ZBBX: variants seen among roughly 807,000 people sequenced by gnomAD.
ZBBX encodes zinc finger B-box domain containing, also known as zinc finger B-box domain-containing protein 1.
A neutral mutation model predicts 108.5 loss-of-function variants in ZBBX; 101 were observed. The observed-to-expected ratio is 0.93, with a 90% CI of 0.79 to 1.10. The LOEUF (loss-of-function observed/expected upper bound fraction) is 1.10. Ranked by LOEUF, ZBBX falls within the 50% of genes least tolerant of loss-of-function variation. The probability of loss-of-function intolerance (pLI) is 0.00; values close to 1 mark genes in which losing one functional copy is unlikely to be tolerated. For missense variants in ZBBX, 1,009 were observed against 941.4 expected, an observed-to-expected ratio of 1.07 and a Z score of -0.94; for synonymous variants, 356 against 323.4, an observed-to-expected ratio of 1.10 and a Z score of -1.08.
intron 11 of ZBBX, 128 bp downstream of exon 11, chr3:167,327,814 T>C: frequency 1.1e-6 from 1 of 926,918 alleles, no homozygotes; most frequent in Non-Finnish European, 1.5e-6. Flanking sequence ...CTCAGAAGGC[T>C]GAGGCAGGAG....
the ZBBX span, among the ~76,000 whole-genome samples, chr3:167,205,109 G>C: frequency 6.6e-6 from 1 of 152,124 alleles, no homozygotes; most frequent in Non-Finnish European, 1.5e-5. Flanking sequence ...CAGGGCAGGA[G>C]AAAGATCTAA....
intron 1 of ZBBX, among the ~76,000 whole-genome samples, chr3:167,400,185 T>C (rs1265248971): frequency 6.6e-6 from 1 of 152,178 alleles, no homozygotes; most frequent in Admixed American, 6.5e-5. Flanking sequence ...TGTGTCTTTT[T>C]GGTAAAATGA....
At chr3:167,350,684 G>A (rs1385815818) in intron 8 of ZBBX, among the ~76,000 whole-genome samples, 169 bp from the exon 9 acceptor site, 2 of 150,940 alleles carry the variant, frequency 1.3e-5, no homozygotes, top group Non-Finnish European at 3.0e-5. Context: ...CCCTTAACTG[G>A]GACTAGTTGT....
the ZBBX span, among the ~76,000 whole-genome samples, chr3:167,195,346 G>A: frequency 6.6e-6 from 1 of 152,134 alleles, no homozygotes; most frequent in East Asian, 1.9e-4. Flanking sequence ...AGAAATTAGT[G>A]TAACTTTTGA....
chr3:167,384,803 G>T (rs906702985), upstream of ZBBX, among the ~76,000 whole-genome samples: 8 of 151,986 alleles, frequency 5.3e-5, no homozygotes, highest in Non-Finnish European at 1.0e-4. Context: ...ATTTATTCCT[G>T]TAATCATCTA....
chr3:167,223,750 G>A, the ZBBX span, among the ~76,000 whole-genome samples: 1 of 151,720 alleles, frequency 6.6e-6, no homozygotes, highest in Non-Finnish European at 1.5e-5. Context: ...TCTGGTCCAG[G>A]TTCAAATATT....
intron 18 of ZBBX, among the ~76,000 whole-genome samples, chr3:167,296,632 C>A (rs7610362): frequency 0.82 from 124,489 of 151,940 alleles, 51,386 homozygotes; most frequent in African/African-American, 0.93. Context: ...TCACAACAGC[C>A]TAAAAAAGAA....
At chr3:167,263,125 C>T (rs1006100528) in intron 20 of ZBBX, among the ~76,000 whole-genome samples, 9 of 150,290 alleles carry the variant, frequency 6.0e-5, no homozygotes, top group African/African-American at 2.2e-4. Flanking sequence ...GCAACCTTCA[C>T]CTCCTGGCTC....
chr3:167,368,846 G>T, intron 4 of ZBBX: 2 of 477,042 alleles, frequency 4.2e-6, no homozygotes, highest in Non-Finnish European at 5.8e-6. Flanking sequence ...TATAAGGCAT[G>T]TTTTTATATA....
At chr3:167,253,094 C>T (rs1156325192) in intron 20 of ZBBX, among the ~76,000 whole-genome samples, 1 of 151,782 alleles carries the variant, frequency 6.6e-6, no homozygotes, top group African/African-American at 2.4e-5. Flanking sequence ...TCCTCTAACC[C>T]CTATTAAATA....
intron 12 of ZBBX, among the ~76,000 whole-genome samples, chr3:167,318,583 C>T (rs553716206): frequency 4.0e-5 from 6 of 151,866 alleles, no homozygotes; most frequent in Admixed American, 2.0e-4. Context: ...CTTTCAAAGG[C>T]ATTAAAATTT....
At chr3:167,250,515 T>C (rs534955528) in intron 20 of ZBBX, among the ~76,000 whole-genome samples, 2 of 140,972 alleles carry the variant, frequency 1.4e-5, no homozygotes, top group African/African-American at 5.4e-5. Context: ...CACCCATGCA[T>C]ACTTAACCTT....
the ZBBX span, among the ~76,000 whole-genome samples, chr3:167,199,725 T>C: frequency 4.6e-4 from 70 of 152,200 alleles, no homozygotes; most frequent in Admixed American, 4.5e-3. Context: ...AGATGTCTAG[T>C]AATATGGCTA....
chr3:167,316,151 G>A (rs948641878), intron 14 of ZBBX, among the ~76,000 whole-genome samples: 5 of 152,018 alleles, frequency 3.3e-5, no homozygotes, highest in African/African-American at 4.8e-5. Flanking sequence ...ATAAACTTAC[G>A]CTGTGTATCA....
the ZBBX span, among the ~76,000 whole-genome samples, chr3:167,201,050 C>T: frequency 2.6e-5 from 4 of 152,248 alleles, no homozygotes; most frequent in Middle Eastern, 3.4e-3. Context: ...TGTTCTCAAA[C>T]TTCTTTATGC....
intron 20 of ZBBX, among the ~76,000 whole-genome samples, chr3:167,271,689 T>C (rs1258732841): frequency 1.3e-5 from 2 of 151,840 alleles, no homozygotes; most frequent in African/African-American, 4.8e-5. Context: ...GCTTAATATG[T>C]AAAAAAAACC....
chr3:167,273,698 T>C (rs1409769266), intron 20 of ZBBX, among the ~76,000 whole-genome samples: 1 of 152,134 alleles, frequency 6.6e-6, no homozygotes, highest in Non-Finnish European at 1.5e-5. Flanking sequence ...GAGCGGTACT[T>C]GTGCTCTTGT....
intron 18 of ZBBX, among the ~76,000 whole-genome samples, chr3:167,296,968 C>T (rs896045179): frequency 2.0e-5 from 3 of 151,938 alleles, no homozygotes; most frequent in African/African-American, 4.8e-5. Context: ...TTTCTGATTT[C>T]AAAACTTATT....
At chr3:167,362,273 A>C (rs554368709) in intron 6 of ZBBX, among the ~76,000 whole-genome samples, 1 of 152,236 alleles carries the variant, frequency 6.6e-6, no homozygotes, top group African/African-American at 2.4e-5. Flanking sequence ...CCTATGCCTT[A>C]TTAACATGCT....
Sources: allele counts gnomAD v4.1 joint callset (sites outside exome capture counted in the v4.1 genomes callset), GRCh38; gene constraint gnomAD v4.1.1; transcripts MANE v1.5; gene names NCBI Gene and HGNC (gene_info 2026-07-23, HGNC 2026-07-21).